Variants in FSTL5 observed in about 807,000 individuals in gnomAD.
The protein encoded by FSTL5 is follistatin-related protein 5.
A neutral mutation model predicts 89.1 loss-of-function variants in FSTL5; 62 were observed. The observed-to-expected ratio is 0.70, with a 90% CI of 0.57 to 0.86. The LOEUF (loss-of-function observed/expected upper bound fraction) is 0.86. Among genes scored for constraint, FSTL5 ranks in the 40% least tolerant of loss-of-function variants. The pLI is 0.00. For synonymous variants in FSTL5, 383 were observed against 346.2 expected, an observed-to-expected ratio of 1.11 and a Z score of -1.18; for missense variants, 1,057 against 1,001.6, an observed-to-expected ratio of 1.06 and a Z score of -0.75.
chr4:161,470,700 C>G (rs1733904804), intron 13 of FSTL5, among the ~76,000 whole-genome samples: 1 of 151,888 alleles, frequency 6.6e-6, no homozygotes, highest in African/African-American at 2.4e-5. Context: ...GACATCTTAA[C>G]AATATTGAGT....
intron 3 of FSTL5, among the ~76,000 whole-genome samples, chr4:162,014,536 T>C (rs560704322): frequency 7.0e-6 from 1 of 142,258 alleles, no homozygotes; most frequent in Non-Finnish European, 1.6e-5. Context: ...GTGCCTTGAG[T>C]TAGATAAATT....
intron 4 of FSTL5, among the ~76,000 whole-genome samples, chr4:161,906,900 C>T (rs774953066): frequency 1.3e-5 from 2 of 152,042 alleles, no homozygotes; most frequent in Non-Finnish European, 2.9e-5. Context: ...ATGCCTGCTG[C>T]TTCCAGTAGA....
intron 6 of FSTL5, among the ~76,000 whole-genome samples, chr4:161,722,353 T>A (rs1480721106): frequency 6.6e-6 from 1 of 152,176 alleles, no homozygotes; most frequent in African/African-American, 2.4e-5. Context: ...TGGATCTGAT[T>A]CAAAATAAAG....
intron 2 of FSTL5, among the ~76,000 whole-genome samples, chr4:162,083,174 TG>T (rs577694470): frequency 4.3e-4 from 65 of 151,912 alleles, no homozygotes; most frequent in Admixed American, 1.5e-3. Context: ...ACAAAATGGC[TG>T]AAAAGTATCA....
At chr4:162,106,256 G>A (rs1731221849) in intron 2 of FSTL5, among the ~76,000 whole-genome samples, 3 of 152,148 alleles carry the variant, frequency 2.0e-5, no homozygotes, top group African/African-American at 4.8e-5. Context: ...GCACTACAAA[G>A]TTGGACATAG....
At chr4:161,646,148 CAT>C (rs1736147001) in intron 7 of FSTL5, among the ~76,000 whole-genome samples, 1 of 148,012 alleles carries the variant, frequency 6.8e-6, no homozygotes, top group African/African-American at 2.5e-5. Context: ...AACCCTTTCT[CAT>C]ATATTTGTAT....
At chr4:162,004,973 G>A (rs1736575361) in intron 3 of FSTL5, among the ~76,000 whole-genome samples, 1 of 152,138 alleles carries the variant, frequency 6.6e-6, no homozygotes, top group African/African-American at 2.4e-5. Flanking sequence ...CTCGATTGAA[G>A]TGTCAGTTAT....
chr4:162,073,930 G>T (rs1409019040), intron 2 of FSTL5, among the ~76,000 whole-genome samples: 1 of 151,654 alleles, frequency 6.6e-6, no homozygotes, highest in Non-Finnish European at 1.5e-5. Flanking sequence ...ATACTTTTCA[G>T]CTTGGCAATA....
At chr4:161,439,693 G>GC (rs1028219569) in intron 15 of FSTL5, among the ~76,000 whole-genome samples, 3 of 150,856 alleles carry the variant, frequency 2.0e-5, no homozygotes, top group Non-Finnish European at 2.9e-5. Context: ...GTATACATTT[G>GC]CTTAAGATGA....
intron 4 of FSTL5, among the ~76,000 whole-genome samples, chr4:161,906,332 C>T (rs1030351791): frequency 3.3e-5 from 5 of 152,094 alleles, no homozygotes; most frequent in African/African-American, 1.2e-4. Context: ...CAACAAGATT[C>T]AGGGCAAGTA....
Position 161,772,097 on chromosome 4 carries a change from G to A in FSTL5, c.606+3781C>T, listed in dbSNP as rs1389779362. 2.4e-4 allele frequency among the ~76,000 whole-genome samples: 36 copies of A among 151,892 alleles called. 1 individual carries two copies. Among genetic ancestry groups the A allele is most frequent in the Admixed American group, 2.4e-3 (36 of 15,236 alleles). On this transcript the variant is annotated intron_variant, in intron 5 of 15. Transcript: ENST00000306100. Reference sequence around the variant, plus strand: ...TGTCTTTTTTTTCTCAAATAGACAGGCCTCTAGGTTCTAATTTACTTGAAA... The same window carrying A: ...TGTCTTTTTTTTCTCAAATAGACAGACCTCTAGGTTCTAATTTACTTGAAA...
At chr4:161,603,318 G>A (rs1214135245) in intron 7 of FSTL5, among the ~76,000 whole-genome samples, 2 of 152,144 alleles carry the variant, frequency 1.3e-5, no homozygotes, top group Admixed American at 6.6e-5. Context: ...TTATAGTTTA[G>A]TAAGTGTGCA....
At chr4:161,980,094 AAAAG>A (rs1272537209) in intron 3 of FSTL5, among the ~76,000 whole-genome samples, 5 of 148,946 alleles carry the variant, frequency 3.4e-5, no homozygotes, top group Non-Finnish European at 5.9e-5. Flanking sequence ...AGAAAAAAGA[AAAAG>A]AAAGAGGAAG....
chr4:161,896,035 A>G (rs568142127), intron 4 of FSTL5, among the ~76,000 whole-genome samples: 10 of 152,266 alleles, frequency 6.6e-5, no homozygotes, highest in Admixed American at 6.5e-4. Flanking sequence ...ATGGAAGCAG[A>G]TGTTTGCTAT....
chr4:162,098,820 A>G (rs1202312585), intron 2 of FSTL5, among the ~76,000 whole-genome samples: 1 of 152,090 alleles, frequency 6.6e-6, no homozygotes, highest in Non-Finnish European at 1.5e-5. Context: ...AATACAATCG[A>G]GCAAAGATAG....
chr4:162,140,764 TAAA>T, intron 1 of FSTL5, among the ~76,000 whole-genome samples: 1 of 152,148 alleles, frequency 6.6e-6, no homozygotes, highest in Non-Finnish European at 1.5e-5. Context: ...GTGGAGGTGA[TAAA>T]ACAATATACA....
chr4:162,083,868 T>C (rs576748985), intron 2 of FSTL5, among the ~76,000 whole-genome samples: 33 of 152,026 alleles, frequency 2.2e-4, no homozygotes, highest in African/African-American at 7.9e-4. Context: ...TTCATTATTA[T>C]GAGATGATGC....
intron 4 of FSTL5, among the ~76,000 whole-genome samples, chr4:161,917,382 A>T (rs1733871485): frequency 6.6e-6 from 1 of 152,208 alleles, no homozygotes; most frequent in South Asian, 2.1e-4. Flanking sequence ...CGTATTTTCC[A>T]ATATTTTTCC....
In FSTL5 at chr4:161,759,437, G is replaced by A; in HGVS notation, c.701C>T (p.Ala234Val). The A allele has an allele frequency of 1.3e-6, 2 of 1,592,764 alleles. No individual in the cohort carries two copies. Among genetic ancestry groups the A allele is most frequent in the Non-Finnish European group, 1.7e-6 (2 of 1,171,210 alleles). The change falls in exon 6 of 16, where the codon GCT becomes GTT. Residue 234 changes from alanine to valine, a missense_variant. Ala to Val is a moderately conservative substitution (Grantham distance 64). Around this residue, in one of 3 missense-constraint regions of FSTL5, gnomAD observed 980 missense variants for 903.2 expected, o/e 1.08. Transcript: ENST00000306100. ...GAATGCTCTATAAAATTCTTCAAGA[G>A]CCAGGTGCTTGTCAGCATTAAAATC... is the stretch of plus-strand genomic sequence containing the variant. Reference protein sequence around the residue: ...YDDFNADKHLALEEFYRAFQV... With the variant: ...YDDFNADKHLVLEEFYRAFQV...
Sources: allele counts gnomAD v4.1 joint callset (sites outside exome capture counted in the v4.1 genomes callset), GRCh38; gene constraint gnomAD v4.1.1; regional missense constraint gnomAD v4.1.1; transcripts MANE v1.5; gene names NCBI Gene and HGNC (gene_info 2026-07-23, HGNC 2026-07-21).